Variants in ANKMY1 observed in about 807,000 individuals in gnomAD.
ANKMY1 encodes ankyrin repeat and MYND domain containing 1.
In ANKMY1, 98 loss-of-function variants were observed where a neutral mutation model predicts 102.0. That is an observed-to-expected ratio of 0.96 (90% CI 0.82 to 1.14). ANKMY1 has a LOEUF of 1.14. ANKMY1 is among the 50% of genes most tolerant of loss of function. The pLI is 0.00. For missense variants in ANKMY1, 1,330 were observed against 1,347.6 expected, an observed-to-expected ratio of 0.99 and a Z score of 0.20; for synonymous variants, 582 against 559.9, an observed-to-expected ratio of 1.04 and a Z score of -0.56.
chr2:240,545,148 G>T (rs1429061800), intron 4 of ANKMY1, among the ~76,000 whole-genome samples: 1 of 152,322 alleles, frequency 6.6e-6, no homozygotes, highest in African/African-American at 2.4e-5. Context: ...CTCCCAGCAC[G>T]CAGCTGGAGA....
At chr2:240,525,921 C>A in intron 6 of ANKMY1, 72 bp from the exon 7 acceptor site, 1 of 1,551,450 alleles carries the variant, frequency 6.4e-7, no homozygotes, top group South Asian at 1.2e-5. Context: ...ACTGGGTGTC[C>A]TGATGCCCTC....
the ANKMY1 span, among the ~76,000 whole-genome samples, chr2:240,473,256 C>T: frequency 2.0e-5 from 3 of 148,730 alleles, no homozygotes; most frequent in Admixed American, 6.7e-5. Flanking sequence ...CAATAACATG[C>T]GAGATAACTG....
intron 4 of ANKMY1, among the ~76,000 whole-genome samples, chr2:240,550,665 T>C (rs2091351610): frequency 6.6e-6 from 1 of 152,168 alleles, no homozygotes; most frequent in East Asian, 1.9e-4. Context: ...GCATTGTAAA[T>C]TGTGAGGTGG....
chr2:240,477,949 C>T (rs1048380759), downstream of ANKMY1, among the ~76,000 whole-genome samples: 1 of 152,160 alleles, frequency 6.6e-6, no homozygotes, highest in African/African-American at 2.4e-5. Flanking sequence ...CTGTGATACG[C>T]TTTGGATCTA....
At chr2:240,560,912 G>A (rs1285495762), upstream of ANKMY1, 4 of 1,534,838 alleles carry the variant, frequency 2.6e-6, no homozygotes, top group Non-Finnish European at 3.5e-6. Context: ...ACCCGGCTGA[G>A]GACCTGCTGG....
chr2:240,546,073 T>C (rs1233520373), intron 4 of ANKMY1, among the ~76,000 whole-genome samples: 3 of 151,680 alleles, frequency 2.0e-5, no homozygotes, highest in African/African-American at 4.8e-5. Flanking sequence ...TTCACCAAAG[T>C]TGAAATGAAG....
rs1450423456 is a variant in ANKMY1 at position 240,530,613 on chromosome 2, C to T, written c.481-1104G>A. On this transcript the variant is annotated intron_variant, in intron 4 of 17. Transcript: ENST00000401804. The stretch of plus-strand genomic sequence containing the variant: ...CACACCTCTTTTCTTTATAAATTAC[C>T]CAGCCTCAGGTATTTCTTTGCGGCA... Among the ~76,000 whole-genome samples the T allele has an allele frequency of 3.9e-5, 6 of 152,234 alleles. No homozygotes were observed. The East Asian group carries it at 1.2e-3, about 29-fold the overall frequency.
At chr2:240,539,600 G>C (rs1218305072) in intron 4 of ANKMY1, among the ~76,000 whole-genome samples, 1 of 152,160 alleles carries the variant, frequency 6.6e-6, no homozygotes, top group East Asian at 1.9e-4. Flanking sequence ...CCAAACACTG[G>C]AAACAACTCA....
chr2:240,519,457 C>T (rs2081753555), intron 9 of ANKMY1, among the ~76,000 whole-genome samples: 1 of 152,246 alleles, frequency 6.6e-6, no homozygotes, highest in Non-Finnish European at 1.5e-5. Context: ...GCCCCATCCC[C>T]TGTGAACCTA....
chr2:240,541,980 T>C (rs1026397835), intron 4 of ANKMY1, among the ~76,000 whole-genome samples: 3 of 149,216 alleles, frequency 2.0e-5, no homozygotes, highest in African/African-American at 7.4e-5. Flanking sequence ...GAGGCCAAGG[T>C]GGGCAGATCA....
intron 4 of ANKMY1, chr2:240,532,040 C>T (rs532519154): frequency 3.6e-4 from 163 of 455,544 alleles, no homozygotes; most frequent in Admixed American, 9.2e-4. Flanking sequence ...AATTCGAGTA[C>T]CAGAGAGAGA....
At chr2:240,560,742 G>C (rs768658301), upstream of ANKMY1, 3 of 1,514,166 alleles carry the variant, frequency 2.0e-6, no homozygotes, top group Non-Finnish European at 1.7e-6. Flanking sequence ...TCCACCGTTG[G>C]TGCGCGTCGC....
At chr2:240,550,307 GAAC>G (rs767644192) in intron 4 of ANKMY1, among the ~76,000 whole-genome samples, 3 of 141,102 alleles carry the variant, frequency 2.1e-5, no homozygotes, top group South Asian at 4.4e-4. Flanking sequence ...GGCGGGAATT[GAAC>G]AACGAGAACA....
intron 15 of ANKMY1, among the ~76,000 whole-genome samples, chr2:240,498,206 T>G (rs2077525731): frequency 7.7e-6 from 1 of 129,206 alleles, no homozygotes; most frequent in Non-Finnish European, 1.6e-5. Flanking sequence ...CATATGGGAG[T>G]GGCTTGTGGC....
chr2:240,491,917 A>G (rs1188864707), intron 15 of ANKMY1, among the ~76,000 whole-genome samples: 1 of 152,118 alleles, frequency 6.6e-6, no homozygotes, highest in Admixed American at 6.6e-5. Context: ...CCTGTGGTTC[A>G]TTTGAACTTC....
chr2:240,559,746 T>A (rs1280891489), upstream of ANKMY1, among the ~76,000 whole-genome samples: 2 of 152,218 alleles, frequency 1.3e-5, no homozygotes, highest in African/African-American at 2.4e-5. Context: ...TATTTGAGTC[T>A]TTAGCTCAAG....
At chr2:240,493,638 G>A (rs1193806712) in intron 15 of ANKMY1, among the ~76,000 whole-genome samples, 1 of 152,070 alleles carries the variant, frequency 6.6e-6, no homozygotes, top group Non-Finnish European at 1.5e-5. Flanking sequence ...TTCTTGGTGG[G>A]TTAGGGTGTG....
At chr2:240,473,103 G>A in the ANKMY1 span, among the ~76,000 whole-genome samples, 5 of 125,110 alleles carry the variant, frequency 4.0e-5, no homozygotes, top group South Asian at 7.9e-4. Context: ...CAGCCTGGGC[G>A]ACAAGAGTGA....
intron 17 of ANKMY1, 21 bp from the exon 18 acceptor site, chr2:240,479,676 G>C: frequency 1.2e-6 from 2 of 1,611,918 alleles, no homozygotes. Flanking sequence ...AAAAGGTGTG[G>C]GGGAGGGGGA....
Sources: allele counts gnomAD v4.1 joint callset (sites outside exome capture counted in the v4.1 genomes callset), GRCh38; gene constraint gnomAD v4.1.1; transcripts MANE v1.5; gene names NCBI Gene and HGNC (gene_info 2026-07-23, HGNC 2026-07-21).